Variants in SCAI observed in about 807,000 individuals in gnomAD.
The protein encoded by SCAI is protein SCAI.
In SCAI, 24 loss-of-function variants were observed where a neutral mutation model predicts 92.2. The ratio of observed to expected loss-of-function variants is 0.26; its 90% CI spans 0.19 to 0.37. The LOEUF (loss-of-function observed/expected upper bound fraction) is 0.37, where lower values mean the gene tolerates loss of function less well. Among genes scored for constraint, SCAI ranks in the 10% least tolerant of loss-of-function variants. The pLI is 1.00. For missense variants in SCAI, 450 were observed against 736.2 expected (o/e 0.61, Z 4.50); for synonymous variants, 261 against 258.6 (o/e 1.01, Z -0.09).
At chr9:125,042,326 T>C (rs972060645) in intron 3 of SCAI, among the ~76,000 whole-genome samples, 4 of 152,130 alleles carry the variant, frequency 2.6e-5, no homozygotes, top group Non-Finnish European at 5.9e-5. Context: ...TTATCAGGGA[T>C]GTTTCAAATA....
chr9:125,029,477 T>C (rs1313609447), intron 4 of SCAI, among the ~76,000 whole-genome samples, 167 bp downstream of exon 4: 7 of 152,098 alleles, frequency 4.6e-5, no homozygotes, highest in Admixed American at 4.6e-4. Flanking sequence ...TTCATTTGGG[T>C]TATAAAGATG....
intron 14 of SCAI, among the ~76,000 whole-genome samples, chr9:124,993,633 T>C (rs1265759319): frequency 6.6e-6 from 1 of 151,854 alleles, no homozygotes; most frequent in Non-Finnish European, 1.5e-5. Flanking sequence ...TTCCTAAAAA[T>C]CAGAAGTTGT....
At chr9:125,092,023 G>A (rs1834437893) in intron 2 of SCAI, among the ~76,000 whole-genome samples, 1 of 151,594 alleles carries the variant, frequency 6.6e-6, no homozygotes, top group Non-Finnish European at 1.5e-5. Context: ...CCAGCTACTT[G>A]GGAGGCTGAG....
At chr9:125,111,865 G>A (rs1245493133) in intron 2 of SCAI, among the ~76,000 whole-genome samples, 3 of 152,144 alleles carry the variant, frequency 2.0e-5, no homozygotes, top group Admixed American at 6.6e-5. Flanking sequence ...GTCTAGAGAC[G>A]CTAAGGCATC....
chr9:125,002,376 A>G (rs907948829), intron 11 of SCAI, among the ~76,000 whole-genome samples: 1 of 152,066 alleles, frequency 6.6e-6, no homozygotes, highest in Admixed American at 6.6e-5. Flanking sequence ...CTCTACATAG[A>G]CTTTGGGAAG....
At chr9:125,051,908 A>T (rs1039385842) in intron 3 of SCAI, among the ~76,000 whole-genome samples, 1 of 151,980 alleles carries the variant, frequency 6.6e-6, no homozygotes, top group African/African-American at 2.4e-5. Context: ...GTTTCTACTA[A>T]AACAAATACA....
chr9:124,971,573 G>A, intron 16 of SCAI, 98 bp downstream of exon 16: 1 of 1,382,516 alleles, frequency 7.2e-7, no homozygotes, highest in East Asian at 2.3e-5. Flanking sequence ...TCCTGCCTGG[G>A]ACACATACCT....
chr9:125,111,207 T>TA (rs1834922309), intron 2 of SCAI, among the ~76,000 whole-genome samples: 1 of 150,526 alleles, frequency 6.6e-6, no homozygotes, highest in African/African-American at 2.5e-5. Context: ...GGTTTAACAT[T>TA]TAAAAAAAAA....
intron 2 of SCAI, among the ~76,000 whole-genome samples, chr9:125,130,145 C>T (rs1316866170): frequency 1.3e-5 from 2 of 151,530 alleles, no homozygotes; most frequent in Non-Finnish European, 2.9e-5. Flanking sequence ...GTGATCCGCC[C>T]GCCTCGGCCT....
chr9:125,096,337 A>G (rs1834552040), intron 2 of SCAI, among the ~76,000 whole-genome samples: 1 of 152,110 alleles, frequency 6.6e-6, no homozygotes, highest in Admixed American at 6.5e-5. Context: ...CCATGATTCA[A>G]TTACCTCCCA....
At chr9:125,016,002 G>T (rs182307588) in intron 9 of SCAI, among the ~76,000 whole-genome samples, 2 of 135,272 alleles carry the variant, frequency 1.5e-5, no homozygotes, top group Non-Finnish European at 3.1e-5. Flanking sequence ...GACACAGGAA[G>T]GGGAACATCA....
intron 2 of SCAI, among the ~76,000 whole-genome samples, chr9:125,068,879 C>G (rs1833919935): frequency 6.6e-6 from 1 of 151,836 alleles, no homozygotes; most frequent in South Asian, 2.1e-4. Flanking sequence ...GGTAAACAGG[C>G]AGAGAAAAGA....
intron 2 of SCAI, among the ~76,000 whole-genome samples, chr9:125,073,092 A>ATTTTTTTTTTTTTTTTTTTTTTTT (rs764858681): frequency 1.4e-5 from 1 of 72,478 alleles, no homozygotes; most frequent in African/African-American, 5.4e-5. Context: ...TCTATTTTTA[A>ATTTTTTTTTTTTTTTTTTTTTTTT]TTTTTTTTTT....
chr9:124,959,975 GA>G (rs202114882), intron 17 of SCAI, among the ~76,000 whole-genome samples: 4,469 of 152,152 alleles, frequency 0.029, 86 homozygotes, highest in Non-Finnish European at 0.04. Flanking sequence ...TTGCTACTGT[GA>G]ATAGTGCCGC....
rs1184064527 is a variant in SCAI at position 124,945,128 on chromosome 9, G to A, written c.*7679C>T. 1 of 152,160 alleles carries A rather than the reference G, an allele frequency of 6.6e-6. No homozygotes were observed. The highest frequency in any genetic ancestry group is 2.1e-4 in the South Asian group (1 of 4,834). The allele number at this position is 152,160 out of a possible 1,614,324, so 9.4% of individuals were successfully genotyped here. A position where few individuals can be genotyped will look rare whatever the true frequency, so the allele number is the denominator to read the frequency against. On this transcript the variant is annotated 3_prime_UTR_variant, in exon 18 of 18. Coordinates refer to ENST00000336505, the MANE Select transcript of SCAI (RefSeq NM_001144877.3). ...AATTGATACCCAATTTATAGTCTAT[G>A]ATGAAATTTAGGCTTGAATAAGTGA...
chr9:125,127,243 C>G (rs1835296723), intron 2 of SCAI, among the ~76,000 whole-genome samples: 1 of 152,142 alleles, frequency 6.6e-6, no homozygotes, highest in Non-Finnish European at 1.5e-5. Context: ...CAGTCACATC[C>G]AGCACAGGCT....
intron 2 of SCAI, among the ~76,000 whole-genome samples, chr9:125,103,765 A>T (rs1834724014): frequency 6.6e-6 from 1 of 152,182 alleles, no homozygotes; most frequent in Admixed American, 6.5e-5. Context: ...CCTGAGTTTC[A>T]CAAACTTATA....
intron 2 of SCAI, among the ~76,000 whole-genome samples, chr9:125,089,070 A>G (rs1834378269): frequency 6.6e-6 from 1 of 152,202 alleles, no homozygotes; most frequent in Non-Finnish European, 1.5e-5. Flanking sequence ...ACCTTATCCA[A>G]AACATTCCCA....
intron 10 of SCAI, 126 bp downstream of exon 10, chr9:125,003,343 T>C (rs1207095220): frequency 3.0e-6 from 3 of 995,266 alleles, no homozygotes; most frequent in Non-Finnish European, 4.8e-6. Flanking sequence ...TGATGATCTA[T>C]TTCTCCATGT....
Sources: gnomAD v4.1 joint callset for allele counts (sites outside exome capture counted in the v4.1 genomes callset) on GRCh38, gnomAD v4.1.1 for gene constraint, MANE v1.5 for transcripts, NCBI Gene and HGNC (gene_info 2026-07-23, HGNC 2026-07-21) for gene names.